SLC8A1: variants seen among roughly 807,000 people sequenced by gnomAD.
The protein encoded by SLC8A1 is solute carrier family 8 member A1, also known as sodium/calcium exchanger 1.
SLC8A1 carries 18 observed loss-of-function variants against 68.3 expected under a neutral mutation model. The observed-to-expected ratio is 0.26, with a 90% CI of 0.18 to 0.39. The LOEUF is 0.39. Ranked by LOEUF, SLC8A1 falls within the 10% of genes least tolerant of loss-of-function variation. SLC8A1 has a pLI of 1.00. For missense variants in SLC8A1, 985 were observed against 1,156.7 expected (o/e 0.85, Z 2.15); for synonymous variants, 475 against 415.5 (o/e 1.14, Z -1.74).
Position 40,225,289 on chromosome 2 carries a change from G to A in SLC8A1, c.1809-47434C>T, listed in dbSNP as rs551412109. ...CTTTCATTTCCCTATTTGTATAGTG[G>A]AAATGATAAAATGATAAACAGTATC... is the stretch of plus-strand genomic sequence containing the variant. On this transcript the variant is annotated intron_variant, in intron 2 of 7. Coordinates refer to ENST00000406785, the Ensembl canonical transcript of SLC8A1. 5.3e-5 allele frequency among the ~76,000 whole-genome samples: 8 copies of A among 152,088 alleles called. 1 individual carries two copies. The South Asian group carries it at 1.2e-3, about 24-fold the overall frequency.
At chr2:40,274,347 A>T (rs776911488) in intron 2 of SLC8A1, among the ~76,000 whole-genome samples, 2 of 152,092 alleles carry the variant, frequency 1.3e-5, no homozygotes, top group East Asian at 3.9e-4. Flanking sequence ...AAATAATCTA[A>T]TAACAGCAAA....
At chr2:40,415,102 T>A (rs952780800) in intron 2 of SLC8A1, among the ~76,000 whole-genome samples, 2 of 152,182 alleles carry the variant, frequency 1.3e-5, no homozygotes, top group Non-Finnish European at 2.9e-5. Context: ...GGATAGCCTA[T>A]AAGGCACAGT....
intron 2 of SLC8A1, among the ~76,000 whole-genome samples, chr2:40,371,941 G>A (rs898457951): frequency 6.6e-6 from 1 of 152,196 alleles, no homozygotes; most frequent in East Asian, 1.9e-4. Flanking sequence ...GACTATATTC[G>A]TACATGGAAC....
exon 8 of SLC8A1, chr2:40,102,341 A>T (rs2033943183): frequency 6.7e-6 from 1 of 149,238 alleles, no homozygotes; most frequent in Admixed American, 6.8e-5. Flanking sequence ...TCTTGAATGA[A>T]CACAAGGGTT....
intron 2 of SLC8A1, among the ~76,000 whole-genome samples, chr2:40,376,721 C>G (rs1021243770): frequency 6.6e-6 from 1 of 152,220 alleles, no homozygotes; most frequent in African/African-American, 2.4e-5. Context: ...ACCGATGATG[C>G]TTTGACTCTG....
intron 1 of SLC8A1, among the ~76,000 whole-genome samples, chr2:40,458,148 C>G (rs561587497): frequency 2.0e-5 from 3 of 152,308 alleles, no homozygotes; most frequent in Non-Finnish European, 1.5e-5. Flanking sequence ...TGATAAAGCT[C>G]TTTTACGTCT....
At chr2:40,381,441 C>T (rs1385130237) in intron 2 of SLC8A1, among the ~76,000 whole-genome samples, 2 of 152,046 alleles carry the variant, frequency 1.3e-5, no homozygotes, top group African/African-American at 2.4e-5. Flanking sequence ...TCTCACATCT[C>T]TCCATGAGTT....
intron 2 of SLC8A1, among the ~76,000 whole-genome samples, chr2:40,394,201 G>A (rs986995319): frequency 6.6e-6 from 1 of 152,080 alleles, no homozygotes; most frequent in Admixed American, 6.6e-5. Flanking sequence ...GAGAAACCCT[G>A]CACTAACATT....
At chr2:40,451,775 AC>A (rs1328488921) in intron 1 of SLC8A1, 128 bp downstream of exon 1, 2 of 156,052 alleles carry the variant, frequency 1.3e-5, no homozygotes, top group African/African-American at 4.9e-5. Context: ...ACACACACAC[AC>A]ACACACACAA....
chr2:40,324,996 C>T (rs1176745289), intron 2 of SLC8A1, among the ~76,000 whole-genome samples: 4 of 152,000 alleles, frequency 2.6e-5, no homozygotes, highest in African/African-American at 9.7e-5. Flanking sequence ...CCTAACAGCA[C>T]TTCCACACTC....
intron 2 of SLC8A1, among the ~76,000 whole-genome samples, chr2:40,205,651 G>A (rs1037126152): frequency 4.6e-5 from 7 of 151,980 alleles, no homozygotes; most frequent in Non-Finnish European, 8.8e-5. Flanking sequence ...CTTTCAAATG[G>A]TGGAAGGTGG....
chr2:40,316,688 T>A (rs537630891), intron 2 of SLC8A1, among the ~76,000 whole-genome samples: 1 of 152,130 alleles, frequency 6.6e-6, no homozygotes, highest in East Asian at 1.9e-4. Flanking sequence ...TTTTCTCAGA[T>A]CTTCTCTGAG....
intron 7 of SLC8A1, among the ~76,000 whole-genome samples, chr2:40,135,133 G>A (rs2040246495): frequency 6.6e-6 from 1 of 152,184 alleles, no homozygotes; most frequent in Non-Finnish European, 1.5e-5. Flanking sequence ...AGAACAGCAG[G>A]CAAGGAAGAG....
intron 2 of SLC8A1, among the ~76,000 whole-genome samples, chr2:40,307,978 AAAAT>A (rs61492465): frequency 0.016 from 2,421 of 152,282 alleles, 60 homozygotes; most frequent in African/African-American, 0.055. Context: ...AAGAGTCAGA[AAAAT>A]AAATAAATAA....
At chr2:40,349,039 C>A (rs1472474516) in intron 2 of SLC8A1, among the ~76,000 whole-genome samples, 1 of 152,098 alleles carries the variant, frequency 6.6e-6, no homozygotes, top group Non-Finnish European at 1.5e-5. Flanking sequence ...CACATAAGCA[C>A]AAAATTGTGC....
intron 4 of SLC8A1, chr2:40,170,283 G>A: frequency 6.2e-7 from 1 of 1,613,610 alleles, no homozygotes; most frequent in Non-Finnish European, 8.5e-7. Context: ...ATGAGTACCT[G>A]CAATGGTGAT....
At chr2:40,195,149 G>A (rs1159629663) in intron 2 of SLC8A1, among the ~76,000 whole-genome samples, 1 of 152,000 alleles carries the variant, frequency 6.6e-6, no homozygotes, top group Non-Finnish European at 1.5e-5. Context: ...AATCAACACA[G>A]GGAAGCAAAA....
At chr2:40,203,881 TA>T (rs200134617) in intron 2 of SLC8A1, among the ~76,000 whole-genome samples, 1 of 151,654 alleles carries the variant, frequency 6.6e-6, no homozygotes, top group Non-Finnish European at 1.5e-5. Context: ...ATTTTTTAAT[TA>T]AAAATTTTTT....
At position 40,174,649 on chromosome 2, in the gene SLC8A1, A is replaced by T. The variant is rs1397526439; in HGVS notation, c.1930+176T>A. ...CAAGTTACATAAGATGTAGGTTTGG[A>T]TTGATGGTTAAGGGTATTTGGGGAA... On this transcript the variant is annotated intron_variant, in intron 4 of 7. Transcript: ENST00000406785. 2.1e-6 allele frequency: 3 copies of T among 1,400,498 alleles called. No homozygotes were observed. In the East Asian group the frequency reaches 6.8e-5, roughly 32 times the overall value. 86.8% of individuals were successfully genotyped at this position (1,400,498 alleles called of 1,614,324 possible).
Sources: allele counts gnomAD v4.1 joint callset (sites outside exome capture counted in the v4.1 genomes callset), GRCh38; gene constraint gnomAD v4.1.1; transcripts MANE v1.5; gene names NCBI Gene and HGNC (gene_info 2026-07-23, HGNC 2026-07-21).